Variants in SGCD observed in about 807,000 individuals in gnomAD.
SGCD encodes sarcoglycan delta.
In SGCD, 18 loss-of-function variants were observed where a neutral mutation model predicts 36.6. That is an observed-to-expected ratio of 0.49 (90% CI 0.34 to 0.73). The LOEUF (loss-of-function observed/expected upper bound fraction) is 0.73, where lower values mean the gene tolerates loss of function less well. Among genes scored for constraint, SGCD ranks in the 30% least tolerant of loss-of-function variants. SGCD has a pLI of 0.01. For missense variants in SGCD, 387 were observed against 346.7 expected, an observed-to-expected ratio of 1.12 and a Z score of -0.92; for synonymous variants, 133 against 130.6, an observed-to-expected ratio of 1.02 and a Z score of -0.12.
At chr5:156,759,052 T>C (rs1330536714) in intron 8 of SGCD, among the ~76,000 whole-genome samples, 165 bp from the exon 9 acceptor site, 2 of 152,238 alleles carry the variant, frequency 1.3e-5, no homozygotes, top group Non-Finnish European at 2.9e-5. Flanking sequence ...AGGTAGAGAC[T>C]TTCCATCTTG....
the SGCD span, among the ~76,000 whole-genome samples, chr5:155,849,439 T>A: frequency 4.9e-5 from 7 of 143,286 alleles, no homozygotes; most frequent in South Asian, 1.7e-3. Flanking sequence ...CACACACATG[T>A]GCGCGCGCAC....
intron 3 of SGCD, among the ~76,000 whole-genome samples, chr5:156,298,709 G>A (rs1383115150): frequency 6.6e-6 from 1 of 151,510 alleles, no homozygotes; most frequent in Non-Finnish European, 1.5e-5. Flanking sequence ...GGGATTACAG[G>A]TGTGAGCTAC....
chr5:156,568,298 C>T (rs948966323), intron 4 of SGCD, among the ~76,000 whole-genome samples: 2 of 152,098 alleles, frequency 1.3e-5, no homozygotes, highest in African/African-American at 2.4e-5. Flanking sequence ...GCAGGAGAAT[C>T]GCTTGAACCC....
the SGCD span, among the ~76,000 whole-genome samples, chr5:155,825,728 G>T: frequency 4.8e-5 from 7 of 147,010 alleles, no homozygotes; most frequent in East Asian, 2.0e-4. Context: ...TTTATTATTT[G>T]TTTTTTTTTT....
At chr5:156,529,757 C>T (rs1419141171) in intron 4 of SGCD, among the ~76,000 whole-genome samples, 1 of 152,158 alleles carries the variant, frequency 6.6e-6, no homozygotes, top group Non-Finnish European at 1.5e-5. Flanking sequence ...TATACTGTTA[C>T]TTTGATTTTG....
chr5:156,508,541 G>A (rs2127875149), intron 3 of SGCD, 60 bp from the exon 4 acceptor site: 2 of 968,674 alleles, frequency 2.1e-6, no homozygotes, highest in East Asian at 4.8e-5. Context: ...TTTACAGCCT[G>A]AGGTGTTTTG....
At chr5:156,363,972 C>A (rs1769949571) in intron 3 of SGCD, among the ~76,000 whole-genome samples, 1 of 152,086 alleles carries the variant, frequency 6.6e-6, no homozygotes, top group Non-Finnish European at 1.5e-5. Context: ...TAACTGTACC[C>A]AGGGAATGTG....
intron 6 of SGCD, among the ~76,000 whole-genome samples, chr5:156,607,478 G>A (rs1698023669): frequency 6.6e-6 from 1 of 152,202 alleles, no homozygotes; most frequent in African/African-American, 2.4e-5. Flanking sequence ...TTGCATCGAT[G>A]TTCATCAGGG....
the SGCD span, among the ~76,000 whole-genome samples, chr5:155,855,216 C>A: frequency 9.5e-4 from 144 of 152,270 alleles, 2 homozygotes; most frequent in Non-Finnish European, 1.1e-3. Flanking sequence ...CAGCACCCCC[C>A]TCGGCAACTC....
chr5:156,245,387 G>A (rs964616668), intron 3 of SGCD, among the ~76,000 whole-genome samples: 12 of 152,224 alleles, frequency 7.9e-5, no homozygotes, highest in African/African-American at 2.9e-4. Context: ...GATAGAATTT[G>A]AATACCACCA....
intron 6 of SGCD, among the ~76,000 whole-genome samples, chr5:156,597,853 C>T (rs1760994494): frequency 6.6e-6 from 1 of 152,144 alleles, no homozygotes; most frequent in African/African-American, 2.4e-5. Flanking sequence ...GGGGTAGACA[C>T]CATTTTTATC....
intron 3 of SGCD, among the ~76,000 whole-genome samples, chr5:156,220,704 T>G (rs560945323): frequency 1.9e-4 from 29 of 152,236 alleles, no homozygotes; most frequent in African/African-American, 6.5e-4. Flanking sequence ...AGGAAGATGA[T>G]CACTGTGCTC....
At chr5:156,240,565 A>G (rs1765280400) in intron 3 of SGCD, among the ~76,000 whole-genome samples, 1 of 152,228 alleles carries the variant, frequency 6.6e-6, no homozygotes, top group Non-Finnish European at 1.5e-5. Flanking sequence ...GACTGGCACC[A>G]AGCTGTACTG....
At chr5:156,283,202 A>T (rs999151436) in intron 3 of SGCD, among the ~76,000 whole-genome samples, 1 of 152,166 alleles carries the variant, frequency 6.6e-6, no homozygotes, top group African/African-American at 2.4e-5. Flanking sequence ...ATGACTGTGT[A>T]GTCTATTAAG....
chr5:156,700,819 T>C (rs1292084525), intron 7 of SGCD, among the ~76,000 whole-genome samples: 1 of 151,788 alleles, frequency 6.6e-6, no homozygotes, highest in Non-Finnish European at 1.5e-5. Context: ...GGCACACCCC[T>C]GTGGTCCCAG....
chr5:155,835,377 A>G, the SGCD span, among the ~76,000 whole-genome samples: 5 of 152,242 alleles, frequency 3.3e-5, no homozygotes, highest in African/African-American at 1.2e-4. Context: ...AAAAATGCAA[A>G]CAATCTACAG....
chr5:155,819,446 T>C, the SGCD span, among the ~76,000 whole-genome samples: 2 of 152,158 alleles, frequency 1.3e-5, no homozygotes, highest in African/African-American at 4.8e-5. Context: ...AAGTGACGAT[T>C]GAAAAGAGGG....
chr5:156,537,459 CCACA>C (rs769070218), intron 4 of SGCD, among the ~76,000 whole-genome samples: 5,643 of 125,776 alleles, frequency 0.045, 149 homozygotes, highest in South Asian at 0.059. Flanking sequence ...AAGGTAGCAG[CCACA>C]CACACACACA....
chr5:156,486,344 G>C (rs962988324), intron 3 of SGCD, among the ~76,000 whole-genome samples: 10 of 152,024 alleles, frequency 6.6e-5, no homozygotes, highest in African/African-American at 2.2e-4. Context: ...GGAGACTGAA[G>C]TGGGCACTTC....
Sources: allele counts gnomAD v4.1 joint callset (sites outside exome capture counted in the v4.1 genomes callset), GRCh38; gene constraint gnomAD v4.1.1; transcripts MANE v1.5; gene names NCBI Gene and HGNC (gene_info 2026-07-23, HGNC 2026-07-21).